The following SLC35D1 variants were observed in gnomAD, a reference collection of about 807,000 sequenced individuals.
SLC35D1 encodes nucleotide sugar transporter SLC35D1.
Under a neutral mutation model 46.7 loss-of-function variants are expected in SLC35D1, and 31 were observed. The observed-to-expected ratio is 0.66, with a 90% CI of 0.50 to 0.90. The LOEUF (loss-of-function observed/expected upper bound fraction) is 0.90. SLC35D1 is among the 40% of genes least tolerant of loss of function. The pLI is 0.00. For synonymous variants in SLC35D1, 195 were observed against 164.6 expected (o/e 1.18, Z -1.41); for missense variants, 397 against 426.2 (o/e 0.93, Z 0.60).
the SLC35D1 span, among the ~76,000 whole-genome samples, chr1:66,977,588 T>A: frequency 6.6e-6 from 1 of 152,218 alleles, no homozygotes; most frequent in African/African-American, 2.4e-5. Context: ...CTGATATGCC[T>A]AATTTATTCC....
rs1158165230 is a variant in SLC35D1 at position 66,999,862 on chromosome 1, T to G, written c.*4478A>C. 1 of 152,130 alleles carries G rather than the reference T, an allele frequency of 6.6e-6. No homozygotes were observed. The highest frequency in any genetic ancestry group is 2.4e-5 in the African/African-American group (1 of 41,398). The allele number at this position is 152,130 out of a possible 1,614,324, so 9.4% of individuals were successfully genotyped here. A position where few individuals can be genotyped will look rare whatever the true frequency, so the allele number is the denominator to read the frequency against. The stretch of plus-strand genomic sequence containing the variant: ...GCAGCATGGGGTCAAGTGCTTTCAA[T>G]TCAGAGAGGGGAAAAGGAACGCTGG... On this transcript the variant is annotated 3_prime_UTR_variant, in exon 12 of 12. Transcript: ENST00000235345.
At chr1:67,053,417 C>G (rs1236283665) in intron 1 of SLC35D1, among the ~76,000 whole-genome samples, 1 of 152,212 alleles carries the variant, frequency 6.6e-6, no homozygotes, top group Admixed American at 6.5e-5. Context: ...ACTGAAGCCC[C>G]GGCCCCCTGT....
intron 8 of SLC35D1, among the ~76,000 whole-genome samples, chr1:67,024,072 C>A (rs1180387847): frequency 1.3e-5 from 2 of 151,088 alleles, no homozygotes; most frequent in Non-Finnish European, 3.0e-5. Context: ...AGCCTTCCAA[C>A]TAGCTGGGAT....
the SLC35D1 span, among the ~76,000 whole-genome samples, chr1:66,989,190 T>C: frequency 6.6e-6 from 1 of 152,246 alleles, no homozygotes. Flanking sequence ...CACTGTTCCA[T>C]GAGCACTACT....
intron 8 of SLC35D1, 80 bp from the exon 9 acceptor site, chr1:67,021,682 G>A (rs1047323849): frequency 1.9e-5 from 21 of 1,123,930 alleles, no homozygotes; most frequent in African/African-American, 6.1e-5. Flanking sequence ...ATCCTTCTAC[G>A]AGTCTGCCTC....
At chr1:67,016,150 C>A (rs1473497113) in intron 10 of SLC35D1, among the ~76,000 whole-genome samples, 1 of 151,852 alleles carries the variant, frequency 6.6e-6, no homozygotes, top group East Asian at 1.9e-4. Flanking sequence ...TGTTCTAAAC[C>A]TGTATGAGAT....
At chr1:67,042,423 A>T in intron 7 of SLC35D1, 95 bp from the exon 8 acceptor site, 1 of 981,996 alleles carries the variant, frequency 1.0e-6, no homozygotes, top group Non-Finnish European at 1.7e-6. Context: ...TAAATACACA[A>T]ACACACACAC....
chr1:67,004,202 C>A lies in SLC35D1; in HGVS notation c.*138G>T. 1.4e-6 allele frequency: 1 copy of A among 733,260 alleles called. No homozygotes were observed. Among genetic ancestry groups the A allele is most frequent in the Non-Finnish European group, 2.4e-6 (1 of 416,450 alleles). The allele number at this position is 733,260 out of a possible 1,614,324, so 45.4% of individuals were successfully genotyped here. ...TCATAAAATTTTAAAAGGCAGCAAT[C>A]AATCCTCAGATTGTACAAGTGCAAA... On this transcript the variant is annotated 3_prime_UTR_variant, in exon 12 of 12. Transcript: ENST00000235345.
intron 10 of SLC35D1, among the ~76,000 whole-genome samples, chr1:67,016,629 A>C (rs1667692085): frequency 6.6e-6 from 1 of 152,128 alleles, no homozygotes; most frequent in Non-Finnish European, 1.5e-5. Flanking sequence ...ACTATTTATA[A>C]TTTACAACAA....
intron 10 of SLC35D1, among the ~76,000 whole-genome samples, chr1:67,014,808 T>C (rs1667647763): frequency 6.6e-6 from 1 of 151,540 alleles, no homozygotes; most frequent in African/African-American, 2.4e-5. Context: ...TGAGCTTATG[T>C]CTGTAAATTT....
chr1:67,042,467 G>T, intron 7 of SLC35D1, 139 bp from the exon 8 acceptor site: 1 of 801,718 alleles, frequency 1.2e-6, no homozygotes, highest in South Asian at 1.4e-5. Flanking sequence ...AATGAATTAA[G>T]TTAGAAGTTT....
the SLC35D1 span, among the ~76,000 whole-genome samples, chr1:66,981,115 A>T: frequency 2.0e-5 from 3 of 152,168 alleles, no homozygotes; most frequent in Non-Finnish European, 2.9e-5. Context: ...TACATTTTGT[A>T]GGTGATACAC....
the SLC35D1 span, chr1:66,986,220 A>T: frequency 7.9e-7 from 1 of 1,267,522 alleles, no homozygotes; most frequent in Non-Finnish European, 9.9e-7. Flanking sequence ...TGAAAATAAG[A>T]TACACAATAA....
intron 8 of SLC35D1, among the ~76,000 whole-genome samples, chr1:67,026,077 C>T (rs533992795): frequency 3.9e-5 from 6 of 152,248 alleles, no homozygotes; most frequent in South Asian, 2.1e-4. Context: ...CAGACATCCT[C>T]GCCTTGTTCT....
the SLC35D1 span, among the ~76,000 whole-genome samples, chr1:66,989,849 A>T: frequency 6.6e-6 from 1 of 152,240 alleles, no homozygotes; most frequent in Non-Finnish European, 1.5e-5. Flanking sequence ...ACTGCATCAG[A>T]ATAGATTGAT....
At chr1:67,037,947 AAAACCTACAGATCATGTC>A (rs1424786817) in intron 8 of SLC35D1, among the ~76,000 whole-genome samples, 1 of 152,230 alleles carries the variant, frequency 6.6e-6, no homozygotes, top group Non-Finnish European at 1.5e-5. Context: ...TATATAAAAT[AAAACCTACAGATCATGTC>A]AAAACTACAC....
At chr1:67,017,505 A>T (rs962252539) in intron 10 of SLC35D1, among the ~76,000 whole-genome samples, 4 of 152,162 alleles carry the variant, frequency 2.6e-5, no homozygotes, top group Non-Finnish European at 4.4e-5. Context: ...AAACTAGACA[A>T]CGTAAACTTC....
At chr1:66,981,013 T>G in the SLC35D1 span, among the ~76,000 whole-genome samples, 5,979 of 152,274 alleles carry the variant, frequency 0.039, 147 homozygotes, top group Non-Finnish European at 0.054. Context: ...CTGACTTTTA[T>G]TCTAGTGGTT....
chr1:66,974,520 C>T, the SLC35D1 span, among the ~76,000 whole-genome samples: 2 of 151,692 alleles, frequency 1.3e-5, no homozygotes, highest in African/African-American at 4.8e-5. Context: ...AAGGAAGGGA[C>T]CCCTGGAATG....
Sources: gnomAD v4.1 joint callset for allele counts (sites outside exome capture counted in the v4.1 genomes callset) on GRCh38, gnomAD v4.1.1 for gene constraint, MANE v1.5 for transcripts, NCBI Gene and HGNC (gene_info 2026-07-23, HGNC 2026-07-21) for gene names.